SLC18A2: variants seen among roughly 807,000 people sequenced by gnomAD.
The protein encoded by SLC18A2 is synaptic vesicular amine transporter.
A neutral mutation model predicts 59.2 loss-of-function variants in SLC18A2; 33 were observed. That is an observed-to-expected ratio of 0.56 (90% CI 0.42 to 0.75). The LOEUF (loss-of-function observed/expected upper bound fraction) is 0.75. SLC18A2 is among the 30% of genes least tolerant of loss of function. The pLI is 0.00. For missense variants in SLC18A2, 569 were observed against 668.6 expected (o/e 0.85, Z 1.64); for synonymous variants, 228 against 253.5 (o/e 0.90, Z 0.95).
intron 3 of SLC18A2, among the ~76,000 whole-genome samples, chr10:117,250,806 G>A (rs539986093): frequency 3.9e-4 from 60 of 152,320 alleles, no homozygotes; most frequent in African/African-American, 1.2e-3. Flanking sequence ...GCCTACAGTC[G>A]TGGGAATGTC....
At position 117,270,473 on chromosome 10, in the gene SLC18A2, A is replaced by G; in HGVS notation, c.1440+10A>G. ...CAAAGAAGAAAAAATGGTAAGAAAA[A>G]TTTAGGATGCAGTGAGCATTTCTTG... is the stretch of plus-strand genomic sequence containing the variant. On this transcript the variant is annotated intron_variant, in intron 15 of 15. Transcript: ENST00000644641. 3 of 1,613,322 alleles carry G rather than the reference A, an allele frequency of 1.9e-6. No individual in the cohort carries two copies. The highest frequency in any genetic ancestry group is 1.6e-4 in the Middle Eastern group (1 of 6,062).
chr10:117,252,030 C>T lies in SLC18A2; in HGVS notation c.465-1369C>T, dbSNP rs1006206371. On this transcript the variant is annotated intron_variant, in intron 3 of 15. Coordinates refer to ENST00000644641, the MANE Select transcript of SLC18A2 (RefSeq NM_003054.6). Reference sequence around the variant, plus strand: ...CTGGAGTGCAGTGGCATGATCTCAGCGCACTACATCCTCTGCCTTCTAGGT... The same window carrying T: ...CTGGAGTGCAGTGGCATGATCTCAGTGCACTACATCCTCTGCCTTCTAGGT... Among the ~76,000 whole-genome samples the T allele has an allele frequency of 6.6e-5, 10 of 151,630 alleles. No individual in the cohort carries two copies. The South Asian group carries it at 8.3e-4, about 13-fold the overall frequency.
intron 10 of SLC18A2, among the ~76,000 whole-genome samples, chr10:117,261,026 A>C (rs1019065090): frequency 2.0e-5 from 3 of 152,000 alleles, no homozygotes; most frequent in African/African-American, 7.3e-5. Context: ...AAATGGTGTA[A>C]CTTCTGCTTC....
At chr10:117,270,544 C>T in intron 15 of SLC18A2, 81 bp downstream of exon 15, 1 of 1,501,328 alleles carries the variant, frequency 6.7e-7, no homozygotes, top group Non-Finnish European at 9.1e-7. Flanking sequence ...TGGTTTCATT[C>T]TAAAGCCTTC....
chr10:117,249,280 C>G (rs1256849591), intron 3 of SLC18A2, among the ~76,000 whole-genome samples: 3 of 152,180 alleles, frequency 2.0e-5, no homozygotes, highest in African/African-American at 7.2e-5. Flanking sequence ...CTAGGAGAAG[C>G]AAAAGCTCTG....
At position 117,278,479 on chromosome 10, in the gene SLC18A2, T is replaced by C. The variant is rs1465752928; in HGVS notation, c.*1213T>C. ...CTAAGCATGACAACATTGATGTGCC[T>C]TTTCAGTGTAACAGCAAATACTGTT... is the stretch of plus-strand genomic sequence containing the variant. On this transcript the variant is annotated 3_prime_UTR_variant, in exon 16 of 16. Coordinates refer to ENST00000644641, the MANE Select transcript of SLC18A2 (RefSeq NM_003054.6). The C allele has an allele frequency of 6.6e-6, 1 of 152,252 alleles. No homozygotes were observed. Among genetic ancestry groups the C allele is most frequent in the East Asian group, 1.9e-4 (1 of 5,202 alleles). The allele number at this position is 152,252 out of a possible 1,614,324, so 9.4% of individuals were successfully genotyped here.
In SLC18A2 at chr10:117,270,199, A is replaced by G. The variant is rs1431401197; in HGVS notation, c.1306+9A>G. The G allele has an allele frequency of 6.2e-7, 1 of 1,614,106 alleles. No homozygotes were observed. The highest frequency in any genetic ancestry group is 1.1e-5 in the South Asian group (1 of 91,034). Reference sequence around the variant, plus strand: ...TATGGGGTATGCTATAGGTAAGGACATTGGCTTTTCATAAGAACCTTTTAC... The same window carrying G: ...TATGGGGTATGCTATAGGTAAGGACGTTGGCTTTTCATAAGAACCTTTTAC... On this transcript the variant is annotated intron_variant, in intron 14 of 15. Coordinates refer to ENST00000644641, the MANE Select transcript of SLC18A2 (RefSeq NM_003054.6).
Position 117,277,244 on chromosome 10 carries a change from A to G in SLC18A2, c.1523A>G (p.Asp508Gly). Residue 508 changes from aspartate to glycine, a missense_variant, in exon 16 of 16, where the codon GAT becomes GGT. By Grantham distance (94) the Asp-to-Gly change is moderately conservative (BLOSUM62 -1). Around this residue, in one of 2 missense-constraint regions of SLC18A2, gnomAD observed 192 missense variants for 278.8 expected, o/e 0.69. Transcript: ENST00000644641. ...ATCCAGTCATATCCGATAGGTGAAGATGAAGAATCTGAAAGTGACTGAGAT... is the reference window on the plus strand; with the variant it reads ...ATCCAGTCATATCCGATAGGTGAAGGTGAAGAATCTGAAAGTGACTGAGAT... ...NNIQSYPIGE[D>G]EESESD 1 of 1,607,806 alleles carries G rather than the reference A, an allele frequency of 6.2e-7. No individual in the cohort carries two copies. The highest frequency in any genetic ancestry group is 8.5e-7 in the Non-Finnish European group (1 of 1,175,170).
Position 117,269,853 on chromosome 10 carries a change from C to A in SLC18A2, c.1187-218C>A, listed in dbSNP as rs1844403457. Among the ~76,000 whole-genome samples the A allele has an allele frequency of 6.6e-6, 1 of 152,166 alleles. No individual in the cohort carries two copies. Among genetic ancestry groups the A allele is most frequent in the African/African-American group, 2.4e-5 (1 of 41,442 alleles). On this transcript the variant is annotated intron_variant, in intron 13 of 15. Coordinates refer to ENST00000644641, the MANE Select transcript of SLC18A2 (RefSeq NM_003054.6). This position sits in a 1 kb window ranked among gnomAD's most constrained non-coding sequence, Gnocchi z 5.1. ...CAATTGAGATGATGCTGTGAGAGAA[C>A]ATCTGTATACGAGGGGAACCTGACC...
intron 4 of SLC18A2, 47 bp downstream of exon 4, chr10:117,253,504 G>A: frequency 7.9e-7 from 1 of 1,266,774 alleles, no homozygotes; most frequent in Non-Finnish European, 1.1e-6. Context: ...CATCAGGGTG[G>A]GCATTGATGC....
chr10:117,271,653 C>T (rs903481122), intron 15 of SLC18A2, among the ~76,000 whole-genome samples: 1 of 152,176 alleles, frequency 6.6e-6, no homozygotes, highest in African/African-American at 2.4e-5. Flanking sequence ...AAGCCATCCC[C>T]TTGTCCTTCC....
In SLC18A2 at chr10:117,257,841, G is replaced by A. The variant is rs1413555406; in HGVS notation, c.940G>A (p.Ala314Thr). The change falls in exon 10 of 16, where the codon GCC (alanine) becomes ACC (threonine). Residue 314 changes from alanine to threonine, a missense_variant. Physicochemically the swap from Ala to Thr is moderately conservative, Grantham distance 58. Transcript: ENST00000644641. Reference sequence around the variant, plus strand: ...CATGGGCATCGCCATGCTGGAGCCAGCCCTGCCCATCTGGATGATGGAGAC... The same window carrying A: ...CATGGGCATCGCCATGCTGGAGCCAACCCTGCCCATCTGGATGATGGAGAC... ...ANMGIAMLEP[A>T]LPIWMMETMC... is the part of the protein sequence containing the mutation. 4 of 1,612,558 alleles carry A rather than the reference G, an allele frequency of 2.5e-6. No homozygotes were observed. In the African/African-American group the frequency reaches 4.0e-5, roughly 16 times the overall value.
intron 10 of SLC18A2, among the ~76,000 whole-genome samples, chr10:117,264,790 A>G (rs762898865): frequency 1.3e-5 from 2 of 152,152 alleles, no homozygotes; most frequent in African/African-American, 2.4e-5. Flanking sequence ...ATATCTTACT[A>G]TCCGGACTAA....
At chr10:117,260,056 C>T (rs116181863) in intron 10 of SLC18A2, among the ~76,000 whole-genome samples, 146 of 152,246 alleles carry the variant, frequency 9.6e-4, no homozygotes, top group African/African-American at 3.3e-3. Flanking sequence ...AAAATTGATG[C>T]TATCATATCT....
intron 3 of SLC18A2, among the ~76,000 whole-genome samples, chr10:117,245,660 A>G (rs193214440): frequency 3.3e-5 from 5 of 152,158 alleles, no homozygotes; most frequent in Admixed American, 2.6e-4. Context: ...GTGGCAGCAG[A>G]GCATTAAATC....
chr10:117,248,406 G>A (rs1844131547), intron 3 of SLC18A2, among the ~76,000 whole-genome samples: 1 of 152,200 alleles, frequency 6.6e-6, no homozygotes, highest in Non-Finnish European at 1.5e-5. Flanking sequence ...TATTTCTGCT[G>A]AAAATATATG....
chr10:117,250,472 C>G (rs562766060), intron 3 of SLC18A2, among the ~76,000 whole-genome samples: 1 of 152,232 alleles, frequency 6.6e-6, no homozygotes, highest in East Asian at 1.9e-4. Flanking sequence ...GTTAAAATCC[C>G]AAAGAAAATT....
chr10:117,241,892 CG>C, intron 2 of SLC18A2, 78 bp downstream of exon 2: 1 of 1,390,652 alleles, frequency 7.2e-7, no homozygotes, highest in Non-Finnish European at 9.7e-7. Context: ...TACCCCTGCG[CG>C]GTCCCGGAGC....
Position 117,266,642 on chromosome 10 carries a change from C to G in SLC18A2, c.992-91C>G, listed in dbSNP as rs1589984053. 1.4e-5 allele frequency: 14 copies of G among 1,011,420 alleles called. No individual in the cohort carries two copies. In the East Asian group the frequency reaches 2.7e-4, roughly 19 times the overall value. The allele number at this position is 1,011,420 out of a possible 1,614,324, so 62.7% of individuals were successfully genotyped here. ...GCCCCGGGGCTTCGTTTTATCTGCTCTCATCAACATTGTGGTGTCTACAGT... is the reference window on the plus strand; with the variant it reads ...GCCCCGGGGCTTCGTTTTATCTGCTGTCATCAACATTGTGGTGTCTACAGT... On this transcript the variant is annotated intron_variant, in intron 10 of 15. Transcript: ENST00000644641.
Sources: gnomAD v4.1 joint callset for allele counts (sites outside exome capture counted in the v4.1 genomes callset) on GRCh38, gnomAD v4.1.1 for gene constraint, gnomAD v4.1.1 regional missense constraint, Gnocchi (gnomAD v3.1) non-coding constraint, MANE v1.5 for transcripts, NCBI Gene and HGNC (gene_info 2026-07-23, HGNC 2026-07-21) for gene names.